The following DNAH9 variants were observed in gnomAD, a reference collection of about 807,000 sequenced individuals.
The protein encoded by DNAH9 is DNAH9 variant protein.
A neutral mutation model predicts 471.6 loss-of-function variants in DNAH9; 345 were observed. That is an observed-to-expected ratio of 0.73 (90% CI 0.67 to 0.80). The LOEUF is 0.80. Ranked by LOEUF, DNAH9 falls within the 30% of genes least tolerant of loss-of-function variation. DNAH9 has a pLI of 0.00. For synonymous variants in DNAH9, 2,093 were observed against 2,123.6 expected, an observed-to-expected ratio of 0.99 and a Z score of 0.40; for missense variants, 5,407 against 5,609.2, an observed-to-expected ratio of 0.96 and a Z score of 1.15.
intron 31 of DNAH9, 95 bp downstream of exon 31, chr17:11,745,179 A>G: frequency 9.3e-7 from 1 of 1,077,122 alleles, no homozygotes; most frequent in South Asian, 1.5e-5. Flanking sequence ...GGGTTGTTTT[A>G]GATGTACAAA....
chr17:11,694,075 G>A (rs1168968250), intron 21 of DNAH9, 77 bp downstream of exon 21: 5 of 1,549,820 alleles, frequency 3.2e-6, no homozygotes, highest in Non-Finnish European at 4.4e-6. Flanking sequence ...AGACCAGTGG[G>A]CAGAAGTGAG....
intron 45 of DNAH9, among the ~76,000 whole-genome samples, chr17:11,820,958 C>T (rs1970286570): frequency 6.6e-6 from 1 of 151,978 alleles, no homozygotes; most frequent in Non-Finnish European, 1.5e-5. Flanking sequence ...ATCATTGATT[C>T]AGTTGGCATT....
intron 52 of DNAH9, 84 bp downstream of exon 52, chr17:11,871,870 G>A (rs1972278341): frequency 7.0e-7 from 1 of 1,438,726 alleles, no homozygotes; most frequent in African/African-American, 1.4e-5. Context: ...CGCATCCTCT[G>A]GTGTCCTCCT....
intron 48 of DNAH9, among the ~76,000 whole-genome samples, chr17:11,823,888 C>G (rs1970400163): frequency 6.6e-6 from 1 of 151,206 alleles, no homozygotes; most frequent in Admixed American, 6.6e-5. Flanking sequence ...CGAGATTGCA[C>G]CACTGCCGTC....
chr17:11,664,886 T>C lies in DNAH9; in HGVS notation c.2649T>C (p.Tyr883=), dbSNP rs765815845. The C allele has an allele frequency of 7.4e-6, 12 of 1,612,198 alleles. No homozygotes were observed. Among genetic ancestry groups the C allele is most frequent in the East Asian group, 4.5e-5 (2 of 44,874 alleles). The part of the protein sequence containing the change: ...ADPTSNIWKT[Y]VNSIDNLLLN... ...CAACCTCCAATATCTGGAAGACTTA[T>C]GTTAACTCTATTGACAATTTGTTGC... Residue 883 remains tyrosine, a synonymous_variant, in exon 15 of 69, where the codon TAT becomes TAC. Transcript: ENST00000262442.
chr17:11,817,813 CAA>C, intron 45 of DNAH9, among the ~76,000 whole-genome samples: 1 of 152,182 alleles, frequency 6.6e-6, no homozygotes, highest in Admixed American at 6.5e-5. Context: ...TTAACTATCT[CAA>C]AGAATAGAAA....
At chr17:11,734,923 G>A (rs1000885471) in intron 28 of DNAH9, among the ~76,000 whole-genome samples, 6 of 152,206 alleles carry the variant, frequency 3.9e-5, no homozygotes, top group East Asian at 1.9e-4. Flanking sequence ...AGAAATGTAA[G>A]AATTGACTGG....
At chr17:11,667,399 T>G (rs1317937470) in intron 15 of DNAH9, among the ~76,000 whole-genome samples, 3 of 152,226 alleles carry the variant, frequency 2.0e-5, no homozygotes. Context: ...GGGACTCTCC[T>G]GAGTCCAATC....
Position 11,752,879 on chromosome 17 carries a change from T to C in DNAH9, c.6657T>C (p.Asp2219=). The change falls in exon 33 of 69, where the codon GAT becomes GAC. Residue 2219 remains aspartate (D), a synonymous_variant. Transcript: ENST00000262442. ...GGGAGCTTGCCAACATCACCCATGATGGGCCCAAGTGGATTTTACTGGATG... is the reference window on the plus strand; with the variant it reads ...GGGAGCTTGCCAACATCACCCATGACGGGCCCAAGTGGATTTTACTGGATG... The part of the protein sequence containing the change: ...IMRELANITH[D]GPKWILLDGD... 6.2e-7 allele frequency: 1 copy of C among 1,610,008 alleles called. No homozygotes were observed. The highest frequency in any genetic ancestry group is 8.5e-7 in the Non-Finnish European group (1 of 1,177,908).
intron 27 of DNAH9, among the ~76,000 whole-genome samples, chr17:11,719,896 A>T (rs1387495722): frequency 6.6e-6 from 1 of 152,230 alleles, no homozygotes; most frequent in Non-Finnish European, 1.5e-5. Flanking sequence ...TTGTCTTCAC[A>T]TAAAAGCTTG....
chr17:11,888,819 G>A (rs1349810626), intron 57 of DNAH9, among the ~76,000 whole-genome samples: 3 of 152,110 alleles, frequency 2.0e-5, no homozygotes, highest in African/African-American at 7.2e-5. Context: ...GTCTGGGGTT[G>A]GATTTAACAG....
At chr17:11,833,564 A>C (rs888039482) in intron 48 of DNAH9, among the ~76,000 whole-genome samples, 3 of 152,198 alleles carry the variant, frequency 2.0e-5, no homozygotes, top group Non-Finnish European at 4.4e-5. Context: ...GGTGGTCCAC[A>C]GTTGGAAGCA....
Position 11,942,943 on chromosome 17 carries a change from T to G in DNAH9, c.12843+458T>G, listed in dbSNP as rs996608203. On this transcript the variant is annotated intron_variant, in intron 67 of 68. Coordinates refer to ENST00000262442, the MANE Select transcript of DNAH9 (RefSeq NM_001372.4). ...CAGAGTCTTGCTCTGTCGCCCAGGC[T>G]GGAGTGCAGTGGTGTGATCTCGGCT... is the stretch of plus-strand genomic sequence containing the variant. Among the ~76,000 whole-genome samples, 3 of 148,250 alleles carry G rather than the reference T, an allele frequency of 2.0e-5. No homozygotes were observed. The East Asian group carries it at 6.1e-4, about 30-fold the overall frequency.
intron 36 of DNAH9, among the ~76,000 whole-genome samples, chr17:11,765,164 A>G (rs957801766): frequency 6.6e-6 from 1 of 152,122 alleles, no homozygotes; most frequent in Non-Finnish European, 1.5e-5. Context: ...TGTTCTAATC[A>G]CTCAGCATGA....
At chr17:11,950,269 G>T (rs987125461) in intron 67 of DNAH9, among the ~76,000 whole-genome samples, 1 of 152,124 alleles carries the variant, frequency 6.6e-6, no homozygotes, top group Non-Finnish European at 1.5e-5. Context: ...TTACATTGGG[G>T]TTCATTCTCA....
At position 11,942,334 on chromosome 17, in the gene DNAH9, G is replaced by A. The variant is rs771748229; in HGVS notation, c.12692G>A (p.Arg4231Gln). The A allele has an allele frequency of 2.0e-5, 33 of 1,613,964 alleles. No individual in the cohort carries two copies. Among genetic ancestry groups the A allele is most frequent in the Middle Eastern group, 1.6e-4 (1 of 6,082 alleles). ...VKALLEEILE[R>Q]VTDEFNIPEL... Reference sequence around the variant, plus strand: ...GCACTTCTGGAAGAAATATTGGAGCGGGTGACAGACGAGTTTAACATCCCA... The same window carrying A: ...GCACTTCTGGAAGAAATATTGGAGCAGGTGACAGACGAGTTTAACATCCCA... Residue 4231 changes from arginine (R) to glutamine (Q), a missense_variant, in exon 67 of 69, where the codon CGG (arginine) becomes CAG (glutamine). Around this residue, in one of 3 missense-constraint regions of DNAH9, gnomAD observed 4,636 missense variants for 4,900.3 expected, o/e 0.95. Transcript: ENST00000262442.
intron 57 of DNAH9, among the ~76,000 whole-genome samples, chr17:11,887,533 T>G (rs1039006563): frequency 6.6e-6 from 1 of 152,164 alleles, no homozygotes; most frequent in Non-Finnish European, 1.5e-5. Context: ...CTATAAATTT[T>G]TAGTGCATCT....
intron 27 of DNAH9, among the ~76,000 whole-genome samples, chr17:11,720,357 T>A (rs985049904): frequency 6.6e-6 from 1 of 152,146 alleles, no homozygotes; most frequent in Non-Finnish European, 1.5e-5. Context: ...CATTAACTCA[T>A]CATTTATATT....
At chr17:11,942,253 T>A (rs1974944216) in intron 66 of DNAH9, 50 bp from the exon 67 acceptor site, 1 of 1,587,466 alleles carries the variant, frequency 6.3e-7, no homozygotes, top group Non-Finnish European at 8.6e-7. Context: ...ATGGATTCCT[T>A]CTGGAGAATA....
Sources: gnomAD v4.1 joint callset for allele counts (sites outside exome capture counted in the v4.1 genomes callset) on GRCh38, gnomAD v4.1.1 for gene constraint, gnomAD v4.1.1 regional missense constraint, MANE v1.5 for transcripts, NCBI Gene and HGNC (gene_info 2026-07-23, HGNC 2026-07-21) for gene names.